ANK2: variants seen among roughly 807,000 people sequenced by gnomAD.
The protein encoded by ANK2 is ankyrin 2.
Under a neutral mutation model 360.5 loss-of-function variants are expected in ANK2, and 83 were observed. The observed-to-expected ratio is 0.23, with a 90% CI of 0.19 to 0.28. The LOEUF is 0.28. Among genes scored for constraint, ANK2 ranks in the 10% least tolerant of loss-of-function variants. ANK2 has a pLI of 1.00. For missense variants in ANK2, 4,201 were observed against 4,795.7 expected (o/e 0.88, Z 3.66); for synonymous variants, 1,740 against 1,759.5 (o/e 0.99, Z 0.28).
intron 2 of ANK2, among the ~76,000 whole-genome samples, chr4:112,942,791 T>C (rs1027182655): frequency 5.9e-5 from 9 of 152,090 alleles, no homozygotes; most frequent in Non-Finnish European, 1.0e-4. Flanking sequence ...TTTAGTCTTA[T>C]ATTTATTTCC....
At chr4:112,790,895 A>G in the ANK2 span, among the ~76,000 whole-genome samples, 1 of 152,198 alleles carries the variant, frequency 6.6e-6, no homozygotes. Context: ...ATGTCCCTGT[A>G]TCATTCAATC....
At chr4:113,180,174 G>A (rs887301882) in intron 2 of ANK2, among the ~76,000 whole-genome samples, 1 of 152,304 alleles carries the variant, frequency 6.6e-6, no homozygotes. Context: ...CACACAGTAT[G>A]ACTCAGACCA....
chr4:112,987,275 G>A (rs1248028729), intron 2 of ANK2, among the ~76,000 whole-genome samples: 1 of 152,210 alleles, frequency 6.6e-6, no homozygotes, highest in Non-Finnish European at 1.5e-5. Context: ...TGGGGACAGA[G>A]GGATGGTGGT....
chr4:113,039,599 G>A (rs995558712), intron 2 of ANK2, among the ~76,000 whole-genome samples: 1 of 151,804 alleles, frequency 6.6e-6, no homozygotes, highest in African/African-American at 2.4e-5. Context: ...GAGGAGTGGG[G>A]GCTCCTGAAT....
intron 27 of ANK2, among the ~76,000 whole-genome samples, chr4:113,331,425 T>C (rs1298396668): frequency 1.3e-5 from 2 of 152,234 alleles, no homozygotes; most frequent in African/African-American, 2.4e-5. Flanking sequence ...TTCCCAATTA[T>C]AGCAACCACT....
chr4:112,895,416 C>T (rs2081431270), intron 1 of ANK2, among the ~76,000 whole-genome samples: 1 of 152,130 alleles, frequency 6.6e-6, no homozygotes, highest in Non-Finnish European at 1.5e-5. Flanking sequence ...GCAGGATTTG[C>T]AAAAGGAATT....
chr4:112,867,864 T>C (rs993315075), intron 1 of ANK2, among the ~76,000 whole-genome samples: 2 of 152,198 alleles, frequency 1.3e-5, no homozygotes, highest in Non-Finnish European at 2.9e-5. Context: ...TATAAATATT[T>C]GTGTACAAAT....
chr4:113,174,482 C>A lies in ANK2; in HGVS notation c.151C>A (p.Leu51Met). The A allele has an allele frequency of 6.2e-7, 1 of 1,613,114 alleles. No homozygotes were observed. The highest frequency in any genetic ancestry group is 8.5e-7 in the Non-Finnish European group (1 of 1,179,420). ...CAACCTGGACAAAGTTGTGGAATATCTGAAGGGGGGCATAGACATCAATAC... is the reference window on the plus strand; with the variant it reads ...CAACCTGGACAAAGTTGTGGAATATATGAAGGGGGGCATAGACATCAATAC... ...AGNLDKVVEYLKGGIDINTCN... is the reference protein window; with the variant it reads ...AGNLDKVVEYMKGGIDINTCN... The change falls in exon 2 of 46, where the codon CTG becomes ATG. Residue 51 changes from leucine (L) to methionine (M), a missense_variant. This residue lies in a region of ANK2 where 169 missense variants were observed against 191.1 expected (regional missense o/e 0.88). Coordinates refer to ENST00000357077, the MANE Select transcript of ANK2 (RefSeq NM_001148.6).
chr4:112,966,141 A>G (rs904833916), intron 2 of ANK2, among the ~76,000 whole-genome samples: 3 of 151,774 alleles, frequency 2.0e-5, no homozygotes, highest in African/African-American at 4.8e-5. Flanking sequence ...TTAGGATTCA[A>G]ACTACTTCAG....
chr4:113,363,863 T>C (rs1261419379), intron 40 of ANK2, among the ~76,000 whole-genome samples: 1 of 152,120 alleles, frequency 6.6e-6, no homozygotes, highest in African/African-American at 2.4e-5. Context: ...TTGGTTCCCA[T>C]GCAAAGTGCT....
intron 1 of ANK2, among the ~76,000 whole-genome samples, chr4:113,156,609 T>C (rs2097308138): frequency 6.6e-6 from 1 of 151,884 alleles, no homozygotes; most frequent in African/African-American, 2.4e-5. Flanking sequence ...ATGATCTGTC[T>C]TCCTTGACCT....
chr4:113,138,634 G>A (rs748252067), intron 1 of ANK2, among the ~76,000 whole-genome samples: 6 of 152,090 alleles, frequency 3.9e-5, no homozygotes, highest in Non-Finnish European at 5.9e-5. Flanking sequence ...TATTTTGTAG[G>A]GAAAGTAGGA....
At position 113,360,556 on chromosome 4, in the gene ANK2, A is replaced by T. The variant is rs2096142371; in HGVS notation, c.10682-267A>T. Among the ~76,000 whole-genome samples, 3 of 152,052 alleles carry T rather than the reference A, an allele frequency of 2.0e-5. 1 individual carries two copies. The highest frequency in any genetic ancestry group is 2.0e-4 in the Admixed American group (3 of 15,260). ...TCTCCAATAATTTAAAAGTCATAAG[A>T]TTACTAGAAATCAGCAACTTATATA... On this transcript the variant is annotated intron_variant, in intron 38 of 45. Coordinates refer to ENST00000357077, the MANE Select transcript of ANK2 (RefSeq NM_001148.6).
At chr4:112,845,796 T>C (rs994728472) in intron 1 of ANK2, among the ~76,000 whole-genome samples, 6 of 152,252 alleles carry the variant, frequency 3.9e-5, no homozygotes, top group African/African-American at 1.4e-4. Flanking sequence ...GAAATGTAGA[T>C]TCTCAAGTTA....
chr4:113,193,792 T>C (rs2098708173), intron 2 of ANK2, among the ~76,000 whole-genome samples: 1 of 152,206 alleles, frequency 6.6e-6, no homozygotes, highest in African/African-American at 2.4e-5. Context: ...GCCCATTTTC[T>C]CTCTATCTCT....
intron 22 of ANK2, among the ~76,000 whole-genome samples, chr4:113,294,458 T>A (rs1236964621): frequency 6.6e-6 from 1 of 152,182 alleles, no homozygotes; most frequent in Non-Finnish European, 1.5e-5. Flanking sequence ...AATAAAGAAT[T>A]CTGAAGGAGG....
chr4:113,118,538 T>G (rs2095066063), intron 1 of ANK2, among the ~76,000 whole-genome samples: 1 of 152,202 alleles, frequency 6.6e-6, no homozygotes, highest in Non-Finnish European at 1.5e-5. Flanking sequence ...CATTTCAGTT[T>G]ACTACTTATC....
chr4:112,826,569 C>G, intron 1 of ANK2: 1 of 1,431,926 alleles, frequency 7.0e-7, no homozygotes, highest in South Asian at 1.3e-5. Context: ...TGTCCTTTCA[C>G]AACCAGCTGG....
chr4:112,831,484 C>T (rs2149676470), intron 1 of ANK2, among the ~76,000 whole-genome samples: 1 of 152,298 alleles, frequency 6.6e-6, no homozygotes, highest in Middle Eastern at 3.4e-3. Flanking sequence ...TTTGTAAACA[C>T]ACCAATCAGC....
Sources: allele counts gnomAD v4.1 joint callset (sites outside exome capture counted in the v4.1 genomes callset), GRCh38; gene constraint gnomAD v4.1.1; regional missense constraint gnomAD v4.1.1; transcripts MANE v1.5; gene names NCBI Gene and HGNC (gene_info 2026-07-23, HGNC 2026-07-21).